DENND3: variants seen among roughly 807,000 people sequenced by gnomAD.
DENND3 encodes the protein DENN domain containing 3.
Under a neutral mutation model 135.1 loss-of-function variants are expected in DENND3, and 88 were observed. The ratio of observed to expected loss-of-function variants is 0.65; its 90% confidence interval spans 0.55 to 0.78. The LOEUF is 0.78. Ranked by LOEUF, DENND3 falls within the 30% of genes least tolerant of loss-of-function variation. The probability of loss-of-function intolerance (pLI) is 0.00; values close to 1 mark genes in which losing one functional copy is unlikely to be tolerated. For synonymous variants in DENND3, 693 were observed against 712.3 expected (o/e 0.97, Z 0.43); for missense variants, 1,392 against 1,688.4 (o/e 0.82, Z 3.08).
intron 20 of DENND3, chr8:141,191,379 G>A (rs765734628): frequency 6.6e-6 from 1 of 152,258 alleles, no homozygotes; most frequent in Admixed American, 6.5e-5. Context: ...GTTCCTTCTT[G>A]CAGGGTAATA....
At chr8:141,178,497 C>T (rs1160360472) in intron 16 of DENND3, among the ~76,000 whole-genome samples, 1 of 152,232 alleles carries the variant, frequency 6.6e-6, no homozygotes, top group Non-Finnish European at 1.5e-5. Flanking sequence ...AAACAACAGC[C>T]TTTCCTCTGG....
chr8:141,190,681 C>T lies in DENND3; in HGVS notation c.3379+264C>T, dbSNP rs764666944. On this transcript the variant is annotated intron_variant, in intron 20 of 22. Transcript: ENST00000519811. ...CTGGACGCACCACTGCTCTCCTGTC[C>T]CTCACCTTGGCTTTTGCTGTGCCCT... 155 of 419,440 alleles carry T rather than the reference C, an allele frequency of 3.7e-4. 1 individual carries two copies. The highest frequency in any genetic ancestry group is 5.9e-4 in the Non-Finnish European group (142 of 240,174). The allele number at this position is 419,440 out of a possible 1,614,324, so 26.0% of individuals were successfully genotyped here.
In DENND3 at chr8:141,130,032, T is replaced by G. The variant is rs544789481; in HGVS notation, c.102+1223T>G. ...TTGATTTGTCTCCCTACCTCGAATT[T>G]GCCAGATGGCATCTCCTCCTTTTTC... On this transcript the variant is annotated intron_variant, in intron 1 of 22. Transcript: ENST00000519811. This position sits in a 1 kb window ranked among gnomAD's most constrained non-coding sequence, Gnocchi z 4.2. 1 of 152,364 alleles carries G rather than the reference T, an allele frequency of 6.6e-6. No homozygotes were observed. The highest frequency in any genetic ancestry group is 2.1e-4 in the South Asian group (1 of 4,830). 9.4% of individuals were successfully genotyped at this position (152,364 alleles called of 1,614,324 possible).
Position 141,171,740 on chromosome 8 carries a change from C to T in DENND3, c.2275+3215C>T, listed in dbSNP as rs529793158. Among the ~76,000 whole-genome samples, 15 of 151,756 alleles carry T rather than the reference C, an allele frequency of 9.9e-5. No individual in the cohort carries two copies. In the South Asian group the frequency reaches 1.9e-3, roughly 19 times the overall value. On this transcript the variant is annotated intron_variant, in intron 13 of 22. Coordinates refer to ENST00000519811, the MANE Select transcript of DENND3 (RefSeq NM_001352890.3). ...TGTGTGCACAGTGGCTGTGGGTGTG[C>T]GTAGTAGCCATAGGTGTGCACAGCG...
rs1820030106 is a variant in DENND3, at chr8:141,160,704, C to G, written c.1269C>G (p.Gly423=). ...HLLSSTDLKE[G]RAHRRSWQQK... ...TCTCCAGCACAGACCTGAAGGAGGG[C>G]CGAGCCCACCGGCGGTCCTGGCAGC... Residue 423 remains glycine, a synonymous_variant, in exon 9 of 23, where the codon GGC becomes GGG. Transcript: ENST00000519811. 6.2e-7 allele frequency: 1 copy of G among 1,613,428 alleles called. No individual in the cohort carries two copies. Among genetic ancestry groups the G allele is most frequent in the Non-Finnish European group, 8.5e-7 (1 of 1,179,884 alleles).
At position 141,195,231 on chromosome 8, in the gene DENND3, A is replaced by C. The variant is rs1007505274; in HGVS notation, c.*998A>C. ...TGTAATGTTGAGACTTCATTACTTAAATGTTCTACGGAAGGTTCTGGTGTG... is the reference window on the plus strand; with the variant it reads ...TGTAATGTTGAGACTTCATTACTTACATGTTCTACGGAAGGTTCTGGTGTG... On this transcript the variant is annotated 3_prime_UTR_variant, in exon 23 of 23. Transcript: ENST00000519811. 6.6e-6 allele frequency: 1 copy of C among 152,334 alleles called. No homozygotes were observed. Among genetic ancestry groups the C allele is most frequent in the African/African-American group, 2.4e-5 (1 of 41,458 alleles). 9.4% of individuals were successfully genotyped at this position (152,334 alleles called of 1,614,324 possible). A position where few individuals can be genotyped will look rare whatever the true frequency, so the allele number is the denominator to read the frequency against.
intron 14 of DENND3, 79 bp from the exon 15 acceptor site, chr8:141,176,512 C>A: frequency 6.4e-7 from 1 of 1,555,902 alleles, no homozygotes; most frequent in South Asian, 1.1e-5. Flanking sequence ...CATTCCAGAG[C>A]CCGCTCTGCC....
In DENND3 at chr8:141,188,967, T is replaced by G; in HGVS notation, c.3085-19T>G. 6.2e-7 allele frequency: 1 copy of G among 1,607,368 alleles called. No homozygotes were observed. The highest frequency in any genetic ancestry group is 8.5e-7 in the Non-Finnish European group (1 of 1,177,184). ...ATCGAGACTGACTGATTTCTCACGT[T>G]CCCGTGGCCTCCTGTTAGAACTGCA... On this transcript the variant is annotated intron_variant, in intron 18 of 22. Transcript: ENST00000519811.
chr8:141,172,167 G>A (rs546428966), intron 13 of DENND3, among the ~76,000 whole-genome samples: 3 of 150,194 alleles, frequency 2.0e-5, no homozygotes, highest in Non-Finnish European at 4.4e-5. Context: ...GACTGTGGGC[G>A]TGCACAGTGT....
At chr8:141,165,464 CTTTTTT>C (rs761618969) in intron 11 of DENND3, among the ~76,000 whole-genome samples, 175 bp downstream of exon 11, 1 of 139,400 alleles carries the variant, frequency 7.2e-6, no homozygotes, top group Non-Finnish European at 1.6e-5. Flanking sequence ...TCTACTTCTT[CTTTTTT>C]TTTTTTTTTT....
chr8:141,161,963 C>A (rs1820193268), intron 9 of DENND3, among the ~76,000 whole-genome samples: 1 of 152,036 alleles, frequency 6.6e-6, no homozygotes, highest in Non-Finnish European at 1.5e-5. Flanking sequence ...ACCACCACGC[C>A]TAACTAATTT....
chr8:141,156,940 C>T (rs1351376468), intron 8 of DENND3, among the ~76,000 whole-genome samples: 4 of 151,770 alleles, frequency 2.6e-5, no homozygotes, highest in Admixed American at 1.3e-4. Context: ...TGCACCTCCA[C>T]GTCTGGCTAA....
intron 8 of DENND3, chr8:141,158,174 G>A (rs752826914): frequency 2.3e-6 from 3 of 1,289,378 alleles, no homozygotes; most frequent in East Asian, 5.6e-5. Context: ...CTGTGGAATC[G>A]CTGGGCTCTC....
chr8:141,176,149 T>TA (rs1822307247), intron 14 of DENND3: 2 of 182,478 alleles, frequency 1.1e-5, no homozygotes, highest in Non-Finnish European at 2.3e-5. Context: ...GCTCGGCCAG[T>TA]AGATCCCCCT....
At chr8:141,157,404 A>T in intron 8 of DENND3, 1 of 985,446 alleles carries the variant, frequency 1.0e-6, no homozygotes, top group Non-Finnish European at 1.2e-6. Flanking sequence ...ATTTTATAAA[A>T]TGATAGCAGG....
intron 13 of DENND3, among the ~76,000 whole-genome samples, chr8:141,170,762 C>T (rs751377482): frequency 3.3e-5 from 5 of 152,228 alleles, no homozygotes; most frequent in South Asian, 2.1e-4. Flanking sequence ...GACTGTCTCT[C>T]ACATGACAGG....
chr8:141,171,793 G>A (rs759390666), intron 13 of DENND3, among the ~76,000 whole-genome samples: 2 of 151,906 alleles, frequency 1.3e-5, no homozygotes, highest in Non-Finnish European at 2.9e-5. Context: ...TAGTGGGTGT[G>A]CACGGTGCTG....
intron 10 of DENND3, among the ~76,000 whole-genome samples, chr8:141,164,979 T>C (rs3816062): frequency 6.6e-6 from 1 of 152,244 alleles, no homozygotes; most frequent in African/African-American, 2.4e-5. Context: ...GGTGGGTATG[T>C]GGGACCCAGT....
At chr8:141,181,277 G>A (rs1823063484) in intron 17 of DENND3, among the ~76,000 whole-genome samples, 1 of 152,226 alleles carries the variant, frequency 6.6e-6, no homozygotes, top group African/African-American at 2.4e-5. Context: ...TCCTGCCTCA[G>A]CCTCCCGAGT....
Sources: allele counts gnomAD v4.1 joint callset (sites outside exome capture counted in the v4.1 genomes callset), GRCh38; gene constraint gnomAD v4.1.1; non-coding constraint Gnocchi (gnomAD v3.1); transcripts MANE v1.5; gene names NCBI Gene and HGNC (gene_info 2026-07-23, HGNC 2026-07-21).